NYAP2: variants seen among roughly 807,000 people sequenced by gnomAD.
The protein encoded by NYAP2 is neuronal tyrosine-phosphorylated phosphoinositide-3-kinase adaptor 2, also known as neuronal tyrosine-phosphorylated phosphoinositide-3-kinase adapter 2.
In NYAP2, 23 loss-of-function variants were observed where a neutral mutation model predicts 50.4. The observed-to-expected ratio is 0.46, with a 90% CI of 0.33 to 0.65. The LOEUF is 0.65. Among genes scored for constraint, NYAP2 ranks in the 30% least tolerant of loss-of-function variants. The pLI is 0.02. For synonymous variants in NYAP2, 394 were observed against 365.2 expected (o/e 1.08, Z -0.90); for missense variants, 885 against 861.0 (o/e 1.03, Z -0.35).
intron 3 of NYAP2, among the ~76,000 whole-genome samples, chr2:225,430,643 G>A (rs1320800322): frequency 6.6e-6 from 1 of 152,072 alleles, no homozygotes; most frequent in Non-Finnish European, 1.5e-5. Flanking sequence ...GGAAACTGAG[G>A]CCCAAGTGCT....
chr2:225,422,210 G>A (rs949532731), intron 3 of NYAP2, among the ~76,000 whole-genome samples: 7 of 152,312 alleles, frequency 4.6e-5, no homozygotes, highest in East Asian at 1.9e-4. Context: ...ATGGGATAAA[G>A]AGAGATCGGG....
the NYAP2 span, among the ~76,000 whole-genome samples, chr2:225,661,200 C>T: frequency 6.6e-6 from 1 of 152,160 alleles, no homozygotes; most frequent in Non-Finnish European, 1.5e-5. Context: ...TTACCTCCAA[C>T]TTAAATTGCA....
chr2:225,414,662 G>A (rs1695094939), intron 3 of NYAP2, among the ~76,000 whole-genome samples: 3 of 151,848 alleles, frequency 2.0e-5, no homozygotes, highest in Admixed American at 2.0e-4. Context: ...GCGGTACCTG[G>A]GTGTATCTGT....
chr2:225,657,736 CA>C (rs1693850933), downstream of NYAP2, among the ~76,000 whole-genome samples: 1 of 152,138 alleles, frequency 6.6e-6, no homozygotes, highest in African/African-American at 2.4e-5. Context: ...TTGCCAAAGT[CA>C]TGCACACTTT....
chr2:225,426,261 T>C (rs940016682), intron 3 of NYAP2, among the ~76,000 whole-genome samples: 4 of 152,156 alleles, frequency 2.6e-5, no homozygotes, highest in African/African-American at 9.7e-5. Flanking sequence ...TTCCTCGCTG[T>C]GTGATTACGG....
chr2:225,676,536 G>A, the NYAP2 span, among the ~76,000 whole-genome samples: 592 of 152,198 alleles, frequency 3.9e-3, 2 homozygotes, highest in African/African-American at 0.013. Flanking sequence ...TCACAATCAT[G>A]GTGAAAGGCA....
Position 225,582,738 on chromosome 2 carries a change from A to G in NYAP2, c.1321A>G (p.Ser441Gly), listed in dbSNP as rs1002913652. 9.3e-6 allele frequency: 15 copies of G among 1,610,672 alleles called. No individual in the cohort carries two copies. The Admixed American group carries it at 1.0e-4, about 11-fold the overall frequency. Residue 441 changes from serine to glycine, a missense_variant, in exon 5 of 7, where the codon AGC (serine) becomes GGC (glycine). Physicochemically the swap from Ser to Gly is moderately conservative, Grantham distance 56 (BLOSUM62 0). Transcript: ENST00000636099. This position sits in a 1 kb window ranked among gnomAD's most constrained non-coding sequence, Gnocchi z 7.0. The stretch of plus-strand genomic sequence containing the variant: ...TCACTCCACCTCTCCCTCCCCCGTC[A>G]GCATGGGGAGGTCCCTGACTCCCCT...
chr2:225,564,286 AAAAAAGAGC>A (rs1691924494), intron 4 of NYAP2, among the ~76,000 whole-genome samples: 2 of 151,704 alleles, frequency 1.3e-5, no homozygotes, highest in African/African-American at 4.8e-5. Flanking sequence ...ATAATGTGAA[AAAAAAGAGC>A]AAAACTGATT....
At chr2:225,649,546 C>T (rs1396219811) in intron 6 of NYAP2, among the ~76,000 whole-genome samples, 1 of 152,190 alleles carries the variant, frequency 6.6e-6, no homozygotes, top group Non-Finnish European at 1.5e-5. Flanking sequence ...GGTTTAATGT[C>T]TCTCCCCTGA....
Position 225,400,836 on chromosome 2 carries a change from GAT to G in NYAP2, c.-224_-223del, listed in dbSNP as rs1188257758. 6.6e-6 allele frequency: 1 copy of G among 152,528 alleles called. No homozygotes were observed. The highest frequency in any genetic ancestry group is 1.5e-5 in the Non-Finnish European group (1 of 68,010). The allele number at this position is 152,528 out of a possible 1,614,324, so 9.4% of individuals were successfully genotyped here. A position where few individuals can be genotyped will look rare whatever the true frequency, so the allele number is the denominator to read the frequency against. ...GACATCGAGAATGCTCTGATCTAGT[GAT>G]GAAGAATCTGGGAGTCGACACTTTT... On this transcript the variant is annotated 5_prime_UTR_variant, in exon 2 of 7. It removes an upstream start codon present in the reference 5' UTR. Coordinates refer to ENST00000636099, the Ensembl canonical transcript of NYAP2.
chr2:225,589,524 T>TATATATATATATAC (rs1559223481), intron 5 of NYAP2, among the ~76,000 whole-genome samples: 1 of 131,216 alleles, frequency 7.6e-6, no homozygotes, highest in African/African-American at 2.9e-5. Flanking sequence ...AAAATATATA[T>TATATATATATATAC]ATATATATAT....
chr2:225,619,024 C>T (rs922427802), intron 5 of NYAP2, among the ~76,000 whole-genome samples: 3 of 152,152 alleles, frequency 2.0e-5, no homozygotes, highest in Non-Finnish European at 2.9e-5. Context: ...ATAGATTAGA[C>T]GATTGCCAAG....
chr2:225,432,157 T>C (rs1237746596), intron 3 of NYAP2, among the ~76,000 whole-genome samples: 2 of 149,020 alleles, frequency 1.3e-5, no homozygotes, highest in Non-Finnish European at 3.0e-5. Flanking sequence ...TTTTTTTTTT[T>C]TTTTTTTTTT....
At chr2:225,664,323 G>T in the NYAP2 span, among the ~76,000 whole-genome samples, 1 of 152,172 alleles carries the variant, frequency 6.6e-6, no homozygotes, top group East Asian at 1.9e-4. Context: ...TAGAATGGAG[G>T]CTTCTTGAGG....
At chr2:225,675,017 T>C in the NYAP2 span, among the ~76,000 whole-genome samples, 1 of 152,124 alleles carries the variant, frequency 6.6e-6, no homozygotes, top group Admixed American at 6.6e-5. Context: ...TGAGTGATTA[T>C]CCATTATTAC....
At chr2:225,622,559 TTTTCTTTCTTTCTTTCTTTC>T (rs778096224) in intron 5 of NYAP2, among the ~76,000 whole-genome samples, 6 of 56,842 alleles carry the variant, frequency 1.1e-4, no homozygotes, top group Admixed American at 4.9e-4. Context: ...CTTTCTTTCT[TTTTCTTTCTTTCTTTCTTTC>T]TTCTTTCTTT....
At chr2:225,503,263 G>T (rs1025278339) in intron 3 of NYAP2, among the ~76,000 whole-genome samples, 2 of 152,234 alleles carry the variant, frequency 1.3e-5, no homozygotes, top group Middle Eastern at 6.8e-3. Context: ...GATCTCCCAC[G>T]ATGTGAACTT....
chr2:225,420,699 C>A (rs1366961876), intron 3 of NYAP2, among the ~76,000 whole-genome samples: 3 of 151,804 alleles, frequency 2.0e-5, no homozygotes, highest in African/African-American at 7.3e-5. Flanking sequence ...CAACCTCTAC[C>A]TCCCAAGCTC....
chr2:225,579,183 A>G (rs564215718), intron 4 of NYAP2, among the ~76,000 whole-genome samples: 1 of 151,978 alleles, frequency 6.6e-6, no homozygotes, highest in Admixed American at 6.5e-5. Flanking sequence ...GACCTCATCC[A>G]AGCCTAATTA....
Sources: allele counts gnomAD v4.1 joint callset (sites outside exome capture counted in the v4.1 genomes callset), GRCh38; gene constraint gnomAD v4.1.1; non-coding constraint Gnocchi (gnomAD v3.1); transcripts MANE v1.5; gene names NCBI Gene and HGNC (gene_info 2026-07-23, HGNC 2026-07-21).